POLK: variants seen among roughly 807,000 people sequenced by gnomAD.
POLK encodes the protein DNA polymerase kappa, also known as polymerase (DNA directed) kappa.
A neutral mutation model predicts 94.0 loss-of-function variants in POLK; 76 were observed. The observed-to-expected ratio is 0.81, with a 90% confidence interval of 0.67 to 0.98. The LOEUF is 0.98. Ranked by LOEUF, POLK falls within the 50% of genes least tolerant of loss-of-function variation. The pLI is 0.00. For missense variants in POLK, 954 were observed against 1,010.1 expected (o/e 0.94, Z 0.75); for synonymous variants, 349 against 325.4 (o/e 1.07, Z -0.78).
Position 75,593,859 on chromosome 5 carries a change from CAT to C in POLK, c.1357-16_1357-15del, listed in dbSNP as rs1561410749. ...CCCTGTCTCATAAATAAATAAATAA[CAT>C]ATTGTATATGTTATAGGGTAGAACT... On this transcript the variant is annotated splice_polypyrimidine_tract_variant and intron_variant, in intron 11 of 14. Coordinates refer to ENST00000241436, the Ensembl canonical transcript of POLK. 4.3e-6 allele frequency: 6 copies of C among 1,408,946 alleles called. No individual in the cohort carries two copies. Among genetic ancestry groups the C allele is most frequent in the South Asian group, 1.3e-5 (1 of 78,404 alleles). 87.3% of individuals were successfully genotyped at this position (1,408,946 alleles called of 1,614,324 possible). A position where few individuals can be genotyped will look rare whatever the true frequency, so the allele number is the denominator to read the frequency against.
intron 8 of POLK, 150 bp from the exon 9 acceptor site, chr5:75,584,610 G>A (rs1049308126): frequency 1.9e-6 from 1 of 534,086 alleles, no homozygotes. Context: ...GGTGGAGGTT[G>A]TGGGGAGCCA....
At chr5:75,541,308 C>A (rs762241930) in intron 1 of POLK, among the ~76,000 whole-genome samples, 5 of 151,728 alleles carry the variant, frequency 3.3e-5, no homozygotes, top group Admixed American at 6.6e-5. Context: ...CAAAAAAAAA[C>A]CAAAAAACAA....
At chr5:75,569,261 A>AAACACC (rs1771452890) in intron 3 of POLK, 79 bp from the exon 4 acceptor site, 2 of 945,478 alleles carry the variant, frequency 2.1e-6, no homozygotes, top group Non-Finnish European at 3.2e-6. Flanking sequence ...ACACTTAATA[A>AAACACC]ATTAAGATTA....
At position 75,597,788 on chromosome 5, in the gene POLK, AG is replaced by A. The variant is rs751346270; in HGVS notation, c.2528+1del. The A allele has an allele frequency of 6.6e-7, 1 of 1,506,146 alleles. No homozygotes were observed. Among genetic ancestry groups the A allele is most frequent in the South Asian group, 1.4e-5 (1 of 71,514 alleles). 93.3% of individuals were successfully genotyped at this position (1,506,146 alleles called of 1,614,324 possible). A position where few individuals can be genotyped will look rare whatever the true frequency, so the allele number is the denominator to read the frequency against. On this transcript the variant is annotated frameshift_variant and splice_region_variant, in exon 14 of 15. Transcript: ENST00000241436. LOFTEE classifies it high-confidence loss of function. ...ACAGAAGGCTGTAACAAGAACAAAA[AG>A]GTATGGCTAATTTGAGCTTTAATAA... is the stretch of plus-strand genomic sequence containing the variant.
intron 10 of POLK, among the ~76,000 whole-genome samples, chr5:75,587,756 A>G (rs1772547588): frequency 6.6e-6 from 1 of 152,168 alleles, no homozygotes; most frequent in Non-Finnish European, 1.5e-5. Flanking sequence ...CCCTGACTCT[A>G]CTAAAAATAC....
chr5:75,607,530 C>A, the POLK span, among the ~76,000 whole-genome samples: 1 of 151,390 alleles, frequency 6.6e-6, no homozygotes, highest in South Asian at 2.1e-4. Flanking sequence ...TCCTTTCTTG[C>A]AGCTGTAGCA....
intron 3 of POLK, among the ~76,000 whole-genome samples, chr5:75,566,231 G>A (rs1044195574): frequency 2.6e-5 from 4 of 152,208 alleles, no homozygotes; most frequent in African/African-American, 9.6e-5. Flanking sequence ...AAGCTGGAGT[G>A]TCCCAGGTCA....
chr5:75,547,225 C>A, intron 2 of POLK, 68 bp downstream of exon 2: 1 of 656,012 alleles, frequency 1.5e-6, no homozygotes, highest in South Asian at 4.7e-5. Flanking sequence ...CAAAGAAAAT[C>A]ATTTGAATAT....
intron 1 of POLK, among the ~76,000 whole-genome samples, chr5:75,538,299 G>A (rs1769555384): frequency 6.6e-6 from 1 of 152,070 alleles, no homozygotes; most frequent in Non-Finnish European, 1.5e-5. Flanking sequence ...CAGCATATTT[G>A]GATCTCATTA....
intron 1 of POLK, among the ~76,000 whole-genome samples, chr5:75,539,756 A>G (rs530024444): frequency 2.6e-5 from 4 of 152,290 alleles, no homozygotes; most frequent in African/African-American, 9.6e-5. Flanking sequence ...ACCACACCCT[A>G]CTTGCATAAA....
chr5:75,564,517 G>A (rs990830969), intron 3 of POLK, among the ~76,000 whole-genome samples: 1 of 152,218 alleles, frequency 6.6e-6, no homozygotes, highest in Admixed American at 6.5e-5. Flanking sequence ...TGCTTTTGCA[G>A]TGCCTGGTAC....
intron 3 of POLK, among the ~76,000 whole-genome samples, chr5:75,559,826 G>T (rs950524480): frequency 6.6e-6 from 1 of 151,950 alleles, no homozygotes; most frequent in African/African-American, 2.4e-5. Context: ...TGAGCCACTA[G>T]GGCTGGCCAA....
At chr5:75,516,770 A>T (rs1365487395) in intron 1 of POLK, among the ~76,000 whole-genome samples, 2 of 152,234 alleles carry the variant, frequency 1.3e-5, no homozygotes. Context: ...TCTTACATTT[A>T]AGTTTCTAAT....
At position 75,583,285 on chromosome 5, in the gene POLK, CT is replaced by C. The variant is rs763272892; in HGVS notation, c.935-4del. On this transcript the variant is annotated splice_polypyrimidine_tract_variant and splice_region_variant and intron_variant, in intron 7 of 14. Transcript: ENST00000241436. ...TTCTTTGAGTCATCAGAGTATTCTT[CT>C]TTTAAGGCATTGCCCCAAATACAAT... 11 of 1,577,568 alleles carry C rather than the reference CT, an allele frequency of 7.0e-6. No homozygotes were observed. The African/African-American group carries it at 1.5e-4, about 21-fold the overall frequency.
At chr5:75,578,403 C>T (rs527771221) in intron 6 of POLK, among the ~76,000 whole-genome samples, 8 of 152,282 alleles carry the variant, frequency 5.3e-5, no homozygotes, top group African/African-American at 7.2e-5. Context: ...GTGATCTGCC[C>T]GCCTCGGCCT....
chr5:75,542,896 A>C (rs1354802958), intron 1 of POLK, among the ~76,000 whole-genome samples: 5 of 149,904 alleles, frequency 3.3e-5, no homozygotes, highest in African/African-American at 1.2e-4. Flanking sequence ...TATTTTTAGT[A>C]GAGATGGGGT....
chr5:75,596,210 G>A lies in POLK; in HGVS notation c.1529-12G>A, dbSNP rs762371241. ...GTTCAATTTGAAATTGATTGTGATT[G>A]GTTTAATTTAGGTGTTCGGATATCT... On this transcript the variant is annotated splice_polypyrimidine_tract_variant and intron_variant, in intron 12 of 14. Transcript: ENST00000241436. 1 of 1,412,812 alleles carries A rather than the reference G, an allele frequency of 7.1e-7. No homozygotes were observed. The highest frequency in any genetic ancestry group is 1.2e-5 in the South Asian group (1 of 81,340). 87.5% of individuals were successfully genotyped at this position (1,412,812 alleles called of 1,614,324 possible). A position where few individuals can be genotyped will look rare whatever the true frequency, so the allele number is the denominator to read the frequency against.
chr5:75,557,562 G>A (rs1380488708), intron 3 of POLK, among the ~76,000 whole-genome samples: 1 of 152,162 alleles, frequency 6.6e-6, no homozygotes, highest in Non-Finnish European at 1.5e-5. Context: ...ACCATCATAA[G>A]TCCAGATATT....
intron 6 of POLK, among the ~76,000 whole-genome samples, chr5:75,580,072 C>A (rs1772120207): frequency 6.6e-6 from 1 of 151,306 alleles, no homozygotes; most frequent in Non-Finnish European, 1.5e-5. Flanking sequence ...ACATCTATGA[C>A]TTACTTCACA....
Sources: gnomAD v4.1 joint callset for allele counts (sites outside exome capture counted in the v4.1 genomes callset) on GRCh38, gnomAD v4.1.1 for gene constraint, MANE v1.5 for transcripts, NCBI Gene and HGNC (gene_info 2026-07-23, HGNC 2026-07-21) for gene names.